POR: variants seen among roughly 807,000 people sequenced by gnomAD.
The protein encoded by POR is cytochrome p450 oxidoreductase.
Under a neutral mutation model 84.0 loss-of-function variants are expected in POR, and 56 were observed. The ratio of observed to expected loss-of-function variants is 0.67; its 90% confidence interval spans 0.54 to 0.83. POR has a LOEUF of 0.83. Ranked by LOEUF, POR falls within the 40% of genes least tolerant of loss-of-function variation. POR has a pLI of 0.00. For missense variants in POR, 938 were observed against 944.3 expected (o/e 0.99, Z 0.09); for synonymous variants, 414 against 400.5 (o/e 1.03, Z -0.40).
chr7:75,948,696 T>C (rs1333554146), intron 1 of POR, among the ~76,000 whole-genome samples: 2 of 152,356 alleles, frequency 1.3e-5, no homozygotes, highest in East Asian at 3.9e-4. Context: ...TTGCCTTCTA[T>C]TCACATGTTT....
At chr7:75,956,246 C>T (rs1292178614) in intron 2 of POR, among the ~76,000 whole-genome samples, 1 of 152,120 alleles carries the variant, frequency 6.6e-6, no homozygotes, top group Non-Finnish European at 1.5e-5. Flanking sequence ...TTGCAGTGAG[C>T]CAAGAATGCG....
chr7:75,984,957 A>C lies in POR; in HGVS notation c.1247A>C (p.Lys416Thr). The C allele has an allele frequency of 6.3e-7, 1 of 1,590,916 alleles. No individual in the cohort carries two copies. Among genetic ancestry groups the C allele is most frequent in the Non-Finnish European group, 8.6e-7 (1 of 1,166,224 alleles). Residue 416 changes from lysine to threonine, a missense_variant and splice_region_variant, in exon 11 of 16, where the codon AAG becomes ACG. Lys to Thr is a moderately conservative substitution (Grantham distance 78). Coordinates refer to ENST00000461988, the MANE Select transcript of POR (RefSeq NM_000941.3). Reference sequence around the variant, plus strand: ...ATGGCCTCCTCCTCCGGCGAGGGCAAGGTGCGCCCCCTCAGCCCCCGCAAC... The same window carrying C: ...ATGGCCTCCTCCTCCGGCGAGGGCACGGTGCGCCCCCTCAGCCCCCGCAAC...
Position 75,984,949 on chromosome 7 carries a change from C to T in POR, c.1239C>T (p.Gly413=), listed in dbSNP as rs782430408. The change falls in exon 11 of 16, where the codon GGC becomes GGT. Residue 413 remains glycine (G), a synonymous_variant. Coordinates refer to ENST00000461988, the MANE Select transcript of POR (RefSeq NM_000941.3). ...TGCGCAAGATGGCCTCCTCCTCCGGCGAGGGCAAGGTGCGCCCCCTCAGCC... is the reference window on the plus strand; with the variant it reads ...TGCGCAAGATGGCCTCCTCCTCCGGTGAGGGCAAGGTGCGCCCCCTCAGCC... 1.1e-5 allele frequency: 18 copies of T among 1,594,282 alleles called. No homozygotes were observed. Among genetic ancestry groups the T allele is most frequent in the South Asian group, 2.2e-5 (2 of 89,526 alleles).
At chr7:75,927,438 CAG>C (rs1807185153) in intron 1 of POR, among the ~76,000 whole-genome samples, 1 of 151,138 alleles carries the variant, frequency 6.6e-6, no homozygotes, top group African/African-American at 2.4e-5. Context: ...GCCTGGCTGA[CAG>C]AGTGAGACCC....
In POR at chr7:75,986,052, G is replaced by A. The variant is rs1201467237; in HGVS notation, c.1799G>A (p.Arg600Gln). ...ACCCAGCTCAACGTGGCCTTCTCCC[G>A]GGAGCAGTCCCACAAGGTGAGACGG... is the stretch of plus-strand genomic sequence containing the variant. Residue 600 changes from arginine to glutamine, a missense_variant, in exon 14 of 16, where the codon CGG (arginine) becomes CAG (glutamine). Arg to Gln is a conservative substitution (Grantham distance 43). Coordinates refer to ENST00000461988, the MANE Select transcript of POR (RefSeq NM_000941.3). The A allele has an allele frequency of 5.8e-6, 9 of 1,560,372 alleles. No individual in the cohort carries two copies. The highest frequency in any genetic ancestry group is 6.9e-6 in the Non-Finnish European group (8 of 1,153,328).
chr7:75,965,875 G>C (rs1788157785), intron 2 of POR, among the ~76,000 whole-genome samples: 1 of 152,162 alleles, frequency 6.6e-6, no homozygotes, highest in Non-Finnish European at 1.5e-5. Context: ...CACGGCCCCA[G>C]GATCCTTGGG....
intron 3 of POR, among the ~76,000 whole-genome samples, chr7:75,973,029 G>A (rs1788509989): frequency 6.6e-6 from 1 of 151,946 alleles, no homozygotes; most frequent in Admixed American, 6.6e-5. Context: ...CACCATGTTG[G>A]CCAGACTGGT....
chr7:75,923,515 G>A, intron 1 of POR: 1 of 471,498 alleles, frequency 2.1e-6, no homozygotes, highest in South Asian at 2.3e-5. Flanking sequence ...TGGGGGCGGG[G>A]TGGAATTTTT....
chr7:75,982,728 G>T (rs927224856), intron 8 of POR, among the ~76,000 whole-genome samples: 1 of 152,200 alleles, frequency 6.6e-6, no homozygotes, highest in African/African-American at 2.4e-5. Flanking sequence ...ATTCCTGCCC[G>T]AGCCACCCAG....
rs193210526 is a variant in POR at position 75,926,592 on chromosome 7, T to G, written c.-5+11413T>G. ...GGGCAGATCACCTGAGGTCGCGAGT[T>G]CGAGACCGGCCTGACCAACATGGAG... On this transcript the variant is annotated intron_variant, in intron 1 of 15. Coordinates refer to ENST00000461988, the MANE Select transcript of POR (RefSeq NM_000941.3). 1.2e-3 allele frequency among the ~76,000 whole-genome samples: 188 copies of G among 152,188 alleles called. 1 individual carries two copies. Among genetic ancestry groups the G allele is most frequent in the Non-Finnish European group, 2.1e-3 (145 of 68,006 alleles).
intron 2 of POR, 28 bp from the exon 3 acceptor site, chr7:75,972,385 A>G: frequency 1.2e-6 from 2 of 1,602,108 alleles, no homozygotes; most frequent in South Asian, 1.1e-5. Context: ...CCTGCCTCCC[A>G]CGCTCATTGC....
At chr7:75,949,098 A>G (rs782230147) in intron 1 of POR, among the ~76,000 whole-genome samples, 4 of 152,108 alleles carry the variant, frequency 2.6e-5, no homozygotes, top group Non-Finnish European at 5.9e-5. Flanking sequence ...TGAGGGCCGG[A>G]TCGTATGGGC....
chr7:75,984,678 G>C, intron 10 of POR, 99 bp from the exon 11 acceptor site: 1 of 1,056,976 alleles, frequency 9.5e-7, no homozygotes, highest in Non-Finnish European at 1.5e-6. Context: ...GGCACCTGTT[G>C]CCGCAGAGCT....
intron 1 of POR, among the ~76,000 whole-genome samples, chr7:75,926,402 T>TA (rs1807128522): frequency 6.6e-6 from 1 of 152,154 alleles, no homozygotes; most frequent in African/African-American, 2.4e-5. Flanking sequence ...ACGGCTCTGT[T>TA]CCGATACTCC....
At position 75,979,574 on chromosome 7, in the gene POR, G is replaced by A; in HGVS notation, c.361G>A (p.Asp121Asn). The change falls in exon 4 of 16, where the codon GAC (aspartate) becomes AAC (asparagine). Residue 121 changes from aspartate (D) to asparagine (N), a missense_variant. Coordinates refer to ENST00000461988, the MANE Select transcript of POR (RefSeq NM_000941.3). ...CATGTCAGCGGACCCTGAGGAGTAT[G>A]ACCTGGTAAGCTGCCACCGCGTGCT... 5 of 1,613,226 alleles carry A rather than the reference G, an allele frequency of 3.1e-6. No individual in the cohort carries two copies. Among genetic ancestry groups the A allele is most frequent in the Non-Finnish European group, 4.2e-6 (5 of 1,179,776 alleles).
At chr7:75,978,317 T>G (rs1038799086) in intron 3 of POR, among the ~76,000 whole-genome samples, 1 of 152,226 alleles carries the variant, frequency 6.6e-6, no homozygotes, top group African/African-American at 2.4e-5. Flanking sequence ...AAAAATGGAT[T>G]GTTGTGTCTG....
At chr7:75,966,801 G>T (rs1788204651) in intron 2 of POR, among the ~76,000 whole-genome samples, 1 of 152,096 alleles carries the variant, frequency 6.6e-6, no homozygotes, top group African/African-American at 2.4e-5. Flanking sequence ...CCACGCAGTG[G>T]ACTACAGCTG....
rs1247013812 is a variant in POR at position 75,983,859 on chromosome 7, G to A, written c.1066+3G>A. 3.8e-6 allele frequency: 6 copies of A among 1,599,292 alleles called. No homozygotes were observed. Among genetic ancestry groups the A allele is most frequent in the African/African-American group, 1.3e-5 (1 of 74,720 alleles). ...CATGTCCCTGAACAACCTGGATGGTGAGTGCCACAGTCAGGGCGCCCTGCC... is the reference window on the plus strand; with the variant it reads ...CATGTCCCTGAACAACCTGGATGGTAAGTGCCACAGTCAGGGCGCCCTGCC... On this transcript the variant is annotated splice_donor_region_variant and intron_variant, in intron 10 of 15. Transcript: ENST00000461988.
intron 1 of POR, among the ~76,000 whole-genome samples, chr7:75,928,036 A>G (rs1349628731): frequency 3.3e-5 from 5 of 149,340 alleles, no homozygotes; most frequent in East Asian, 2.0e-4. Flanking sequence ...CAGTGGAACA[A>G]TCTTCACTTA....
Sources: gnomAD v4.1 joint callset for allele counts (sites outside exome capture counted in the v4.1 genomes callset) on GRCh38, gnomAD v4.1.1 for gene constraint, MANE v1.5 for transcripts, NCBI Gene and HGNC (gene_info 2026-07-23, HGNC 2026-07-21) for gene names.